VAT1L: variants seen among roughly 807,000 people sequenced by gnomAD.
VAT1L encodes the protein putative NADPH-dependent quinone oxidoreductase VAT1L.
A neutral mutation model predicts 44.1 loss-of-function variants in VAT1L; 34 were observed. The ratio of observed to expected loss-of-function variants is 0.77; its 90% CI spans 0.59 to 1.03. VAT1L has a LOEUF of 1.03. VAT1L is among the 50% of genes least tolerant of loss of function. The probability of loss-of-function intolerance (pLI) is 0.00; values close to 1 mark genes in which losing one functional copy is unlikely to be tolerated. For synonymous variants in VAT1L, 253 were observed against 202.2 expected (o/e 1.25, Z -2.13); for missense variants, 615 against 538.8 (o/e 1.14, Z -1.40).
intron 7 of VAT1L, among the ~76,000 whole-genome samples, chr16:77,945,722 T>A (rs144692577): frequency 6.6e-6 from 1 of 152,144 alleles, no homozygotes; most frequent in African/African-American, 2.4e-5. Context: ...TTTGTATGAG[T>A]TGTCTTTTCT....
Position 77,788,861 on chromosome 16 carries a change from G to A in VAT1L, c.179G>A (p.Arg60Lys), listed in dbSNP as rs2145198245. 6.3e-7 allele frequency: 1 copy of A among 1,575,888 alleles called. No individual in the cohort carries two copies. The highest frequency in any genetic ancestry group is 8.6e-7 in the Non-Finnish European group (1 of 1,162,322). ...GGGCTCAACAAGCTGCGGCTCTTCA[G>A]GAAGGCCATGCCCGAGCCTCAGGAC... The part of the protein sequence containing the change: ...FGGLNKLRLF[R>K]KAMPEPQDGE... Residue 60 changes from arginine to lysine, a missense_variant, in exon 1 of 9, where the codon AGG becomes AAG. Transcript: ENST00000302536.
At chr16:77,890,390 T>A (rs2017251804) in intron 7 of VAT1L, among the ~76,000 whole-genome samples, 1 of 151,686 alleles carries the variant, frequency 6.6e-6, no homozygotes, top group South Asian at 2.1e-4. Context: ...GGCAGAGGAG[T>A]TTGAGCTTAC....
Position 77,788,926 on chromosome 16 carries a change from C to G in VAT1L, c.233+11C>G. 1 of 1,468,886 alleles carries G rather than the reference C, an allele frequency of 6.8e-7. No individual in the cohort carries two copies. Among genetic ancestry groups the G allele is most frequent in the Non-Finnish European group, 9.0e-7 (1 of 1,110,978 alleles). 91.0% of individuals were successfully genotyped at this position (1,468,886 alleles called of 1,614,324 possible). A position where few individuals can be genotyped will look rare whatever the true frequency, so the allele number is the denominator to read the frequency against. On this transcript the variant is annotated intron_variant, in intron 1 of 8. Transcript: ENST00000302536. ...CCGCGTCAAAGCCTGGTCCAGTATCCGCGCCTTTCTCGCTTTCTCTCTTTT... is the reference window on the plus strand; with the variant it reads ...CCGCGTCAAAGCCTGGTCCAGTATCGGCGCCTTTCTCGCTTTCTCTCTTTT...
At chr16:77,977,452 C>G (rs538180816) in intron 8 of VAT1L, 145 bp from the exon 9 acceptor site, 1 of 719,792 alleles carries the variant, frequency 1.4e-6, no homozygotes, top group Non-Finnish European at 2.3e-6. Flanking sequence ...CAACATATGA[C>G]AGCTAATCCT....
At chr16:77,915,744 A>G (rs2017545412) in intron 7 of VAT1L, among the ~76,000 whole-genome samples, 1 of 152,226 alleles carries the variant, frequency 6.6e-6, no homozygotes, top group Admixed American at 6.5e-5. Flanking sequence ...GAGGTTGGCT[A>G]GAAGACGGAG....
intron 7 of VAT1L, among the ~76,000 whole-genome samples, chr16:77,958,498 CA>C (rs1421412044): frequency 6.6e-6 from 1 of 152,166 alleles, no homozygotes; most frequent in Non-Finnish European, 1.5e-5. Context: ...CCTGAGTGTC[CA>C]CTTCAGTTCT....
intron 7 of VAT1L, among the ~76,000 whole-genome samples, chr16:77,909,852 G>A (rs948381305): frequency 6.6e-6 from 1 of 152,062 alleles, no homozygotes; most frequent in Non-Finnish European, 1.5e-5. Context: ...ATTTTTCCAT[G>A]CCTGCATACA....
At chr16:77,899,460 C>G (rs2017358481) in intron 7 of VAT1L, among the ~76,000 whole-genome samples, 1 of 152,168 alleles carries the variant, frequency 6.6e-6, no homozygotes, top group Non-Finnish European at 1.5e-5. Flanking sequence ...CATCTGTAAC[C>G]CTTGCTCTTC....
At chr16:77,912,086 A>G (rs17718408) in intron 7 of VAT1L, among the ~76,000 whole-genome samples, 9,294 of 152,268 alleles carry the variant, frequency 0.061, 343 homozygotes, top group East Asian at 0.12. Flanking sequence ...CATAGTAGAA[A>G]GACAAACATT....
chr16:77,859,821 C>T (rs572514631), intron 3 of VAT1L, among the ~76,000 whole-genome samples: 1 of 152,296 alleles, frequency 6.6e-6, no homozygotes, highest in Non-Finnish European at 1.5e-5. Flanking sequence ...TGCAGTCCAT[C>T]CACTGAAGCA....
chr16:77,938,649 T>C (rs1708317024), intron 7 of VAT1L, among the ~76,000 whole-genome samples: 1 of 152,102 alleles, frequency 6.6e-6, no homozygotes, highest in South Asian at 2.1e-4. Context: ...TCCACCATGA[T>C]GGTAAGTTTC....
At chr16:77,824,761 A>G (rs995361712) in intron 2 of VAT1L, among the ~76,000 whole-genome samples, 1 of 151,808 alleles carries the variant, frequency 6.6e-6, no homozygotes, top group Non-Finnish European at 1.5e-5. Flanking sequence ...ATCTCAAAAA[A>G]AAAAAAAAAT....
chr16:77,802,615 AACACACACACACAC>A (rs57906062), intron 1 of VAT1L, among the ~76,000 whole-genome samples: 1,959 of 112,000 alleles, frequency 0.017, 26 homozygotes, highest in Middle Eastern at 0.047. Flanking sequence ...CCCCATCTCA[AACACACACACACAC>A]ACACACACAC....
chr16:77,905,756 G>T (rs1439704842), intron 7 of VAT1L, among the ~76,000 whole-genome samples: 1 of 152,122 alleles, frequency 6.6e-6, no homozygotes, highest in African/African-American at 2.4e-5. Context: ...ACCTGTGTTT[G>T]TGCGTCCTCT....
intron 7 of VAT1L, among the ~76,000 whole-genome samples, chr16:77,930,231 C>A (rs1365648500): frequency 6.6e-6 from 1 of 152,262 alleles, no homozygotes; most frequent in East Asian, 1.9e-4. Context: ...CCACTGAATT[C>A]GACCCCTAGC....
At chr16:77,830,142 C>T (rs1384496707) in intron 3 of VAT1L, among the ~76,000 whole-genome samples, 10 of 152,110 alleles carry the variant, frequency 6.6e-5, no homozygotes, top group African/African-American at 2.2e-4. Context: ...CTCCAGCCAC[C>T]CTGACCTTCT....
intron 1 of VAT1L, among the ~76,000 whole-genome samples, chr16:77,814,590 A>G (rs1458594842): frequency 1.3e-5 from 2 of 152,262 alleles, no homozygotes; most frequent in East Asian, 3.8e-4. Context: ...CAGAAATGGC[A>G]ACAAATTTCT....
At chr16:77,948,977 CATT>C (rs2018006767) in intron 7 of VAT1L, among the ~76,000 whole-genome samples, 4 of 152,132 alleles carry the variant, frequency 2.6e-5, no homozygotes, top group Non-Finnish European at 5.9e-5. Context: ...TGTCACTTAT[CATT>C]ACTGAATTTA....
rs149084016 is a variant in VAT1L, at chr16:77,844,408, A to AT, written c.580-18331dup. Among the ~76,000 whole-genome samples the AT allele has an allele frequency of 4.3e-3, 644 of 151,216 alleles. 5 individuals are homozygous for AT. Among genetic ancestry groups the AT allele is most frequent in the African/African-American group, 0.014 (576 of 41,158 alleles). Reference sequence around the variant, plus strand: ...TAATTATTACACCAGTTTATTTTTTATTTTTTTTTATTTTTTCTGAGATGG... The same window carrying AT: ...TAATTATTACACCAGTTTATTTTTTATTTTTTTTTTATTTTTTCTGAGATGG... On this transcript the variant is annotated intron_variant, in intron 3 of 8. Coordinates refer to ENST00000302536, the MANE Select transcript of VAT1L (RefSeq NM_020927.3).
Sources: allele counts gnomAD v4.1 joint callset (sites outside exome capture counted in the v4.1 genomes callset), GRCh38; gene constraint gnomAD v4.1.1; transcripts MANE v1.5; gene names NCBI Gene and HGNC (gene_info 2026-07-23, HGNC 2026-07-21).